Variants in CSMD3 observed in about 807,000 individuals in gnomAD.
The protein encoded by CSMD3 is CUB and sushi domain-containing protein 3.
A neutral mutation model predicts 435.2 loss-of-function variants in CSMD3; 177 were observed. That is an observed-to-expected ratio of 0.41 (90% CI 0.36 to 0.46). CSMD3 has a LOEUF of 0.46. Ranked by LOEUF, CSMD3 falls within the 20% of genes least tolerant of loss-of-function variation. The pLI, the probability that CSMD3 is intolerant of heterozygous loss-of-function variation, is 0.34. For synonymous variants in CSMD3, 1,656 were observed against 1,520.5 expected (o/e 1.09, Z -2.07); for missense variants, 4,265 against 4,504.6 (o/e 0.95, Z 1.52).
chr8:112,412,225 T>C (rs1217621889), intron 32 of CSMD3, among the ~76,000 whole-genome samples: 1 of 152,102 alleles, frequency 6.6e-6, no homozygotes, highest in Non-Finnish European at 1.5e-5. Context: ...ATAATTATGC[T>C]CTTTTTAAAA....
At chr8:113,138,502 T>G (rs1459417509) in intron 4 of CSMD3, among the ~76,000 whole-genome samples, 1 of 151,438 alleles carries the variant, frequency 6.6e-6, no homozygotes, top group African/African-American at 2.4e-5. Flanking sequence ...TAAAGATAAA[T>G]TCATTATACA....
intron 7 of CSMD3, among the ~76,000 whole-genome samples, chr8:112,955,154 G>C (rs1261341358): frequency 6.6e-6 from 1 of 151,474 alleles, no homozygotes; most frequent in Non-Finnish European, 1.5e-5. Context: ...GGATTTAATA[G>C]GTTTGTTCTT....
At chr8:113,020,169 CAAAAA>C (rs1163891165) in intron 5 of CSMD3, among the ~76,000 whole-genome samples, 1 of 84,636 alleles carries the variant, frequency 1.2e-5, no homozygotes, top group Non-Finnish European at 2.3e-5. Context: ...GACTCCGTCT[CAAAAA>C]AAAAAAAAAA....
chr8:112,540,543 G>T (rs548838057), intron 27 of CSMD3, among the ~76,000 whole-genome samples: 1 of 152,122 alleles, frequency 6.6e-6, no homozygotes, highest in South Asian at 2.1e-4. Flanking sequence ...CATTTGATGA[G>T]TGGATAAAGA....
chr8:112,810,525 G>T (rs2132383723), intron 12 of CSMD3, among the ~76,000 whole-genome samples: 1 of 152,150 alleles, frequency 6.6e-6, no homozygotes. Flanking sequence ...TTAATTGACT[G>T]TTATTATAAT....
chr8:113,368,199 T>C (rs184931482), intron 1 of CSMD3, among the ~76,000 whole-genome samples: 12 of 152,238 alleles, frequency 7.9e-5, no homozygotes, highest in Non-Finnish European at 1.6e-4. Flanking sequence ...ACTTTCCCCT[T>C]TTGACTAATA....
At chr8:112,589,425 A>G (rs1309072289) in intron 22 of CSMD3, among the ~76,000 whole-genome samples, 1 of 152,186 alleles carries the variant, frequency 6.6e-6, no homozygotes, top group Non-Finnish European at 1.5e-5. Context: ...ATGAAATTAA[A>G]TTATTATGGT....
chr8:112,801,936 A>T (rs2078971371), intron 12 of CSMD3, among the ~76,000 whole-genome samples: 2 of 152,074 alleles, frequency 1.3e-5, no homozygotes, highest in Middle Eastern at 3.4e-3. Context: ...TCCTCCTATA[A>T]CATTCATAAT....
chr8:112,461,792 T>C (rs1197827102), intron 32 of CSMD3, among the ~76,000 whole-genome samples: 1 of 152,202 alleles, frequency 6.6e-6, no homozygotes, highest in African/African-American at 2.4e-5. Context: ...ATCTTACTTT[T>C]GCAGAATAAT....
At chr8:112,842,162 T>A (rs555897922) in intron 11 of CSMD3, among the ~76,000 whole-genome samples, 1 of 151,844 alleles carries the variant, frequency 6.6e-6, no homozygotes, top group South Asian at 2.1e-4. Context: ...TAGGAGACAA[T>A]GTTCCAGAAG....
At chr8:112,588,356 A>C (rs1232175985) in intron 22 of CSMD3, among the ~76,000 whole-genome samples, 1 of 151,830 alleles carries the variant, frequency 6.6e-6, no homozygotes, top group Non-Finnish European at 1.5e-5. Context: ...GATCAAAAAG[A>C]AGCACTCAGT....
intron 9 of CSMD3, among the ~76,000 whole-genome samples, chr8:112,941,838 G>A (rs1430949392): frequency 2.0e-5 from 3 of 151,550 alleles, no homozygotes; most frequent in Non-Finnish European, 4.4e-5. Context: ...AGAGAGTACA[G>A]AGGGTTCCCA....
chr8:113,377,113 G>C (rs1484159034), intron 1 of CSMD3: 2 of 1,266,876 alleles, frequency 1.6e-6, no homozygotes, highest in Admixed American at 6.2e-5. Flanking sequence ...GGGCTGCGGC[G>C]TCGTCCGGCT....
chr8:112,699,657 G>A (rs972517342), intron 13 of CSMD3, among the ~76,000 whole-genome samples: 1 of 152,162 alleles, frequency 6.6e-6, no homozygotes, highest in Non-Finnish European at 1.5e-5. Context: ...CGCATAGGAC[G>A]TATATTCAGG....
chr8:112,289,576 A>G, intron 56 of CSMD3, 38 bp from the exon 57 acceptor site: 1 of 1,381,194 alleles, frequency 7.2e-7, no homozygotes, highest in Non-Finnish European at 1.0e-6. Flanking sequence ...ATTTTTTTAT[A>G]TCTCCTATCG....
intron 10 of CSMD3, among the ~76,000 whole-genome samples, chr8:112,882,110 T>A (rs566690940): frequency 6.6e-6 from 1 of 151,840 alleles, no homozygotes; most frequent in African/African-American, 2.4e-5. Context: ...AGCCTTAGCA[T>A]AAAACTATCA....
intron 64 of CSMD3, among the ~76,000 whole-genome samples, chr8:112,244,838 A>G (rs1372943193): frequency 1.3e-5 from 2 of 152,086 alleles, no homozygotes; most frequent in Non-Finnish European, 2.9e-5. Context: ...GACATTGTCA[A>G]CAACTAAGCT....
intron 1 of CSMD3, among the ~76,000 whole-genome samples, chr8:113,317,519 C>T (rs2093919198): frequency 6.6e-6 from 1 of 152,146 alleles, no homozygotes; most frequent in Non-Finnish European, 1.5e-5. Flanking sequence ...AGGAATTACA[C>T]CTATATTTAA....
intron 10 of CSMD3, among the ~76,000 whole-genome samples, chr8:112,892,713 C>T (rs1487442533): frequency 1.3e-5 from 2 of 151,500 alleles, no homozygotes; most frequent in Non-Finnish European, 3.0e-5. Flanking sequence ...ACTTAAATGG[C>T]ATCTCAGAGA....
Sources: allele counts gnomAD v4.1 joint callset (sites outside exome capture counted in the v4.1 genomes callset), GRCh38; gene constraint gnomAD v4.1.1; transcripts MANE v1.5; gene names NCBI Gene and HGNC (gene_info 2026-07-23, HGNC 2026-07-21).